The following ADAMTSL1 variants were observed in gnomAD, a reference collection of about 807,000 sequenced individuals.
The protein encoded by ADAMTSL1 is ADAMTS-like protein 1.
Under a neutral mutation model 201.8 loss-of-function variants are expected in ADAMTSL1, and 126 were observed. The observed-to-expected ratio is 0.62, with a 90% CI of 0.54 to 0.72. ADAMTSL1 has a LOEUF of 0.72. ADAMTSL1 is among the 30% of genes least tolerant of loss of function. The pLI is 0.00. For synonymous variants in ADAMTSL1, 1,121 were observed against 903.4 expected (o/e 1.24, Z -4.32); for missense variants, 2,679 against 2,277.8 (o/e 1.18, Z -3.59).
At chr9:17,909,125 A>C (rs1825834922) in intron 1 of ADAMTSL1, among the ~76,000 whole-genome samples, 1 of 146,044 alleles carries the variant, frequency 6.8e-6, no homozygotes, top group African/African-American at 2.5e-5. Context: ...TCTTCTTTTG[A>C]GAAGTGTCTG....
chr9:18,250,017 T>C (rs879842586), intron 2 of ADAMTSL1, among the ~76,000 whole-genome samples: 3 of 152,242 alleles, frequency 2.0e-5, no homozygotes, highest in Non-Finnish European at 4.4e-5. Flanking sequence ...CTGTAATAAA[T>C]ACTATCTAAT....
At chr9:18,170,464 A>G (rs1252169502) in intron 2 of ADAMTSL1, among the ~76,000 whole-genome samples, 7 of 152,066 alleles carry the variant, frequency 4.6e-5, no homozygotes, top group Admixed American at 3.9e-4. Flanking sequence ...TACCACTTAC[A>G]GTAGTAACAA....
intron 1 of ADAMTSL1, among the ~76,000 whole-genome samples, chr9:18,162,241 C>G (rs1265341284): frequency 6.6e-6 from 1 of 151,996 alleles, no homozygotes. Context: ...AAATCAAGTC[C>G]TTGTTACACT....
chr9:17,958,601 A>G (rs1043031220), intron 1 of ADAMTSL1, among the ~76,000 whole-genome samples: 2 of 152,158 alleles, frequency 1.3e-5, no homozygotes, highest in East Asian at 3.9e-4. Context: ...AATTACGTTA[A>G]TTAGCTTCCA....
intron 4 of ADAMTSL1, among the ~76,000 whole-genome samples, chr9:18,588,039 G>T (rs959033732): frequency 6.6e-6 from 1 of 152,066 alleles, no homozygotes; most frequent in Non-Finnish European, 1.5e-5. Context: ...GTTTTTTGAG[G>T]ATCCTCCATA....
Position 18,421,705 on chromosome 9 carries a change from A to G in ADAMTSL1, c.208-83124A>G, listed in dbSNP as rs1013703895. Among the ~76,000 whole-genome samples the G allele has an allele frequency of 1.1e-4, 17 of 152,304 alleles. No individual in the cohort carries two copies. The East Asian group carries it at 3.3e-3, about 29-fold the overall frequency. ...TGTAGCTAGTCTTTAGACACATTTA[A>G]TATTATGAGTACAGATTGCTGTACA... is the stretch of plus-strand genomic sequence containing the variant. On this transcript the variant is annotated intron_variant, in intron 2 of 29. Transcript: ENST00000680146.
At chr9:17,964,323 C>T (rs1269157094) in intron 1 of ADAMTSL1, among the ~76,000 whole-genome samples, 3 of 152,080 alleles carry the variant, frequency 2.0e-5, no homozygotes, top group Non-Finnish European at 4.4e-5. Flanking sequence ...TCTTTATTTA[C>T]TGAAACTATA....
intron 2 of ADAMTSL1, among the ~76,000 whole-genome samples, chr9:18,255,153 C>T (rs961282688): frequency 3.9e-5 from 6 of 152,204 alleles, no homozygotes; most frequent in Middle Eastern, 3.4e-3. Context: ...TTAACAAATT[C>T]CAGCTTTTGG....
At position 18,111,325 on chromosome 9, in the gene ADAMTSL1, C is replaced by A. The variant is rs118185721; in HGVS notation, c.88-52537C>A. On this transcript the variant is annotated intron_variant, in intron 1 of 29. Transcript: ENST00000680146. ...AAAATAACTTTGCAGTGGGCAAAACCCCAGATGTGTTTTGTCAGTCTCTTT... is the reference window on the plus strand; with the variant it reads ...AAAATAACTTTGCAGTGGGCAAAACACCAGATGTGTTTTGTCAGTCTCTTT... Among the ~76,000 whole-genome samples the A allele has an allele frequency of 3.3e-5, 5 of 152,128 alleles. No individual in the cohort carries two copies. In the East Asian group the frequency reaches 7.7e-4, roughly 24 times the overall value.
chr9:18,197,383 G>A (rs1829226302), intron 2 of ADAMTSL1, among the ~76,000 whole-genome samples: 1 of 144,480 alleles, frequency 6.9e-6, no homozygotes, highest in East Asian at 2.1e-4. Context: ...TCTCCTTGAA[G>A]AGGTCCTTCA....
chr9:18,123,728 C>T (rs1441671743), intron 1 of ADAMTSL1, among the ~76,000 whole-genome samples: 1 of 152,146 alleles, frequency 6.6e-6, no homozygotes, highest in South Asian at 2.1e-4. Context: ...ATTGCTGTCA[C>T]CCCAGGAAGC....
chr9:18,487,709 T>C (rs553582205), intron 1 of ADAMTSL1, among the ~76,000 whole-genome samples: 7 of 152,354 alleles, frequency 4.6e-5, no homozygotes, highest in Admixed American at 2.6e-4. Flanking sequence ...TAACTTTTCA[T>C]GTATGCGTAT....
At chr9:17,986,210 G>A (rs986301320) in intron 1 of ADAMTSL1, among the ~76,000 whole-genome samples, 7 of 151,984 alleles carry the variant, frequency 4.6e-5, no homozygotes, top group African/African-American at 1.2e-4. Flanking sequence ...TGCCAGTCCC[G>A]TATCCCTGGG....
At chr9:18,502,770 C>T (rs1165595413) in intron 1 of ADAMTSL1, among the ~76,000 whole-genome samples, 6 of 152,060 alleles carry the variant, frequency 3.9e-5, no homozygotes, top group Admixed American at 2.0e-4. Flanking sequence ...GCTGCAAGGT[C>T]GTACTGTGGG....
At chr9:18,359,734 A>C (rs1250204788) in intron 2 of ADAMTSL1, among the ~76,000 whole-genome samples, 1 of 149,658 alleles carries the variant, frequency 6.7e-6, no homozygotes, top group Non-Finnish European at 1.5e-5. Context: ...GATTCATATT[A>C]TTTTTAACTT....
At chr9:18,418,565 T>C (rs1237599130) in intron 2 of ADAMTSL1, among the ~76,000 whole-genome samples, 1 of 152,080 alleles carries the variant, frequency 6.6e-6, no homozygotes, top group Admixed American at 6.6e-5. Flanking sequence ...TTTCAATTGG[T>C]AAATGAAATT....
chr9:18,627,805 CATA>C (rs1826489351), intron 5 of ADAMTSL1, among the ~76,000 whole-genome samples: 1 of 152,182 alleles, frequency 6.6e-6, no homozygotes, highest in Non-Finnish European at 1.5e-5. Flanking sequence ...CCCCTTGCCA[CATA>C]ATATTACACA....
intron 2 of ADAMTSL1, among the ~76,000 whole-genome samples, chr9:18,422,876 G>T (rs116072487): frequency 2.0e-5 from 3 of 152,062 alleles, no homozygotes; most frequent in Non-Finnish European, 4.4e-5. Flanking sequence ...ATCACTTGAG[G>T]GCAAGTGAGA....
chr9:18,697,159 G>C (rs1476915392), intron 13 of ADAMTSL1, among the ~76,000 whole-genome samples: 1 of 151,954 alleles, frequency 6.6e-6, no homozygotes, highest in East Asian at 1.9e-4. Context: ...TGGGATTACA[G>C]GTGTGAGCCA....
Sources: allele counts gnomAD v4.1 joint callset (sites outside exome capture counted in the v4.1 genomes callset), GRCh38; gene constraint gnomAD v4.1.1; transcripts MANE v1.5; gene names NCBI Gene and HGNC (gene_info 2026-07-23, HGNC 2026-07-21).